Variants in MAF observed in about 807,000 individuals in gnomAD.
The protein encoded by MAF is transcription factor Maf.
Under a neutral mutation model 22.0 loss-of-function variants are expected in MAF, and 10 were observed. The observed-to-expected ratio is 0.45, with a 90% CI of 0.28 to 0.77. MAF has a LOEUF of 0.77. Among genes scored for constraint, MAF ranks in the 30% least tolerant of loss-of-function variants. The pLI is 0.12. For missense variants in MAF, 544 were observed against 548.4 expected (o/e 0.99, Z 0.08); for synonymous variants, 337 against 255.8 (o/e 1.32, Z -3.03).
At chr16:79,206,137 A>G in the MAF span, 1 of 152,128 alleles carries the variant, frequency 6.6e-6, no homozygotes, top group Non-Finnish European at 1.5e-5. Context: ...GGAAAAAAAA[A>G]TCTCCTTTTA....
the MAF span, among the ~76,000 whole-genome samples, chr16:79,403,952 G>A: frequency 2.0e-5 from 3 of 152,190 alleles, no homozygotes; most frequent in Non-Finnish European, 2.9e-5. Context: ...GAGAGTTTGG[G>A]CAAAGTGGAG....
the MAF span, among the ~76,000 whole-genome samples, chr16:79,486,257 G>C: frequency 7.9e-5 from 12 of 152,236 alleles, no homozygotes; most frequent in Non-Finnish European, 1.8e-4. Context: ...TTCCAAATTA[G>C]TAGCTGCAGA....
downstream of MAF, among the ~76,000 whole-genome samples, chr16:79,592,870 G>A (rs1913265704): frequency 6.6e-6 from 1 of 152,210 alleles, no homozygotes. Context: ...ACAGTGAATC[G>A]TAGTGGGGAA....
At chr16:79,407,991 T>G in the MAF span, among the ~76,000 whole-genome samples, 2 of 139,150 alleles carry the variant, frequency 1.4e-5, no homozygotes, top group African/African-American at 5.4e-5. Context: ...CAGAGGGAGA[T>G]CGACCCTCAT....
chr16:79,488,730 T>G, the MAF span, among the ~76,000 whole-genome samples: 2 of 152,198 alleles, frequency 1.3e-5, no homozygotes, highest in African/African-American at 4.8e-5. Context: ...TGTGTCTTGC[T>G]ATGTCAGAGG....
the MAF span, among the ~76,000 whole-genome samples, chr16:79,545,206 A>G: frequency 6.6e-6 from 1 of 152,242 alleles, no homozygotes; most frequent in Non-Finnish European, 1.5e-5. Flanking sequence ...AAAGGGCAGA[A>G]CATGCATTAC....
the MAF span, among the ~76,000 whole-genome samples, chr16:79,486,179 A>G: frequency 6.6e-6 from 1 of 152,200 alleles, no homozygotes; most frequent in Non-Finnish European, 1.5e-5. Flanking sequence ...TGTGGGGCTC[A>G]TCTCCCTTGA....
At chr16:79,484,038 C>T in the MAF span, among the ~76,000 whole-genome samples, 1 of 152,112 alleles carries the variant, frequency 6.6e-6, no homozygotes, top group East Asian at 1.9e-4. Context: ...GTGATAGCAA[C>T]CAGCAGGTGC....
chr16:79,403,605 C>A, the MAF span, among the ~76,000 whole-genome samples: 1 of 152,176 alleles, frequency 6.6e-6, no homozygotes, highest in African/African-American at 2.4e-5. Context: ...CTGCCAGGGG[C>A]CTTGCCTGAC....
chr16:79,482,824 A>T, the MAF span, among the ~76,000 whole-genome samples: 93,261 of 140,776 alleles, frequency 0.66, 31,795 homozygotes, highest in Middle Eastern at 0.8. Flanking sequence ...AGTAGGGCAT[A>T]CATCATACCC....
the MAF span, among the ~76,000 whole-genome samples, chr16:79,266,105 C>T: frequency 1.3e-5 from 2 of 151,876 alleles, no homozygotes; most frequent in African/African-American, 4.8e-5. Context: ...AACTCCTGAG[C>T]TCAAGTGATC....
the MAF span, among the ~76,000 whole-genome samples, chr16:79,322,050 G>A: frequency 0.086 from 13,067 of 152,098 alleles, 646 homozygotes; most frequent in Middle Eastern, 0.16. Flanking sequence ...TGGGCAACAC[G>A]GCGAAACGCC....
the MAF span, among the ~76,000 whole-genome samples, chr16:79,506,655 T>C: frequency 2.0e-4 from 31 of 152,102 alleles, no homozygotes; most frequent in African/African-American, 7.5e-4. Context: ...CAGGAGGGGC[T>C]GGATGGAACT....
At chr16:79,493,131 T>TG in the MAF span, among the ~76,000 whole-genome samples, 76 of 22,020 alleles carry the variant, frequency 3.5e-3, 1 homozygote, top group East Asian at 9.4e-3. Flanking sequence ...CTAATCTTTC[T>TG]GTTTTTTTTT....
rs116860161 is a variant in MAF at position 79,594,303 on chromosome 16, G to T, written c.*157C>A. 2.8e-3 allele frequency: 2,029 copies of T among 719,008 alleles called. 7 individuals are homozygous for T. Among genetic ancestry groups the T allele is most frequent in the Admixed American group, 4.4e-3 (199 of 45,120 alleles). The allele number at this position is 719,008 out of a possible 1,614,324, so 44.5% of individuals were successfully genotyped here. ...TCTCTATGAAACCCCCAGACAAGAG[G>T]CATAGTTAACTACTACATTTAATAG... is the stretch of plus-strand genomic sequence containing the variant. On this transcript the variant is annotated 3_prime_UTR_variant, in exon 2 of 2. Coordinates refer to ENST00000326043, the MANE Select transcript of MAF (RefSeq NM_005360.5).
the MAF span, among the ~76,000 whole-genome samples, chr16:79,295,006 A>G: frequency 2.0e-5 from 3 of 150,596 alleles, no homozygotes; most frequent in Non-Finnish European, 3.0e-5. Flanking sequence ...TTCCCCCTAG[A>G]GCAGGTTACA....
chr16:79,325,561 ACACACACAGATGCC>A, the MAF span, among the ~76,000 whole-genome samples: 1 of 151,834 alleles, frequency 6.6e-6, no homozygotes, highest in African/African-American at 2.4e-5. Flanking sequence ...GCACACAGAC[ACACACACAGATGCC>A]CACACACAGA....
At chr16:79,473,296 T>C in the MAF span, among the ~76,000 whole-genome samples, 43 of 152,276 alleles carry the variant, frequency 2.8e-4, no homozygotes, top group Non-Finnish European at 5.7e-4. Context: ...TCTCTCAAGA[T>C]GCCAAAATCC....
At chr16:79,566,114 G>T in the MAF span, among the ~76,000 whole-genome samples, 3 of 152,086 alleles carry the variant, frequency 2.0e-5, no homozygotes, top group Non-Finnish European at 4.4e-5. Context: ...AGGTAATTCT[G>T]ATCTGCATCC....
Sources: gnomAD v4.1 joint callset for allele counts (sites outside exome capture counted in the v4.1 genomes callset) on GRCh38, gnomAD v4.1.1 for gene constraint, MANE v1.5 for transcripts, NCBI Gene and HGNC (gene_info 2026-07-23, HGNC 2026-07-21) for gene names.